Variants in GUF1 observed in about 807,000 individuals in gnomAD.
GUF1 encodes the protein GTP binding elongation factor GUF1, also known as translation factor GUF1, mitochondrial.
Under a neutral mutation model 82.4 loss-of-function variants are expected in GUF1, and 78 were observed. That is an observed-to-expected ratio of 0.95 (90% CI 0.79 to 1.14). The LOEUF (loss-of-function observed/expected upper bound fraction) is 1.14, where lower values mean the gene tolerates loss of function less well. Ranked by LOEUF, GUF1 falls within the 50% of genes most tolerant of loss-of-function variation. The pLI is 0.00. For missense variants in GUF1, 814 were observed against 798.2 expected, an observed-to-expected ratio of 1.02 and a Z score of -0.24; for synonymous variants, 279 against 282.3, an observed-to-expected ratio of 0.99 and a Z score of 0.12.
chr4:44,686,405 C>A, intron 7 of GUF1, 105 bp from the exon 8 acceptor site: 1 of 637,448 alleles, frequency 1.6e-6, no homozygotes, highest in Non-Finnish European at 2.5e-6. Context: ...TGTTGTGTAT[C>A]AAACTTTCTC....
At chr4:44,690,689 A>T in intron 11 of GUF1, 28 bp from the exon 12 acceptor site, 1 of 1,329,956 alleles carries the variant, frequency 7.5e-7, no homozygotes. Flanking sequence ...TTAAGATTTT[A>T]AGTATTGCTG....
chr4:44,694,479 A>G lies in GUF1; in HGVS notation c.1681A>G (p.Asn561Asp). Residue 561 changes from asparagine (N) to aspartate (D), a missense_variant, in exon 14 of 17, where the codon AAT becomes GAT. Coordinates refer to ENST00000281543, the MANE Select transcript of GUF1 (RefSeq NM_021927.3). ...LVKMDILLNGNTVEELVTVVH... is the reference protein window; with the variant it reads ...LVKMDILLNGDTVEELVTVVH... The stretch of plus-strand genomic sequence containing the variant: ...AAAAATGGATATTCTACTGAATGGA[A>G]ATACTGTAGAGGAGCTAGTAACTGT... 1 of 1,605,778 alleles carries G rather than the reference A, an allele frequency of 6.2e-7. No homozygotes were observed. Among genetic ancestry groups the G allele is most frequent in the Non-Finnish European group, 8.5e-7 (1 of 1,172,790 alleles).
chr4:44,679,106 G>C (rs991744043), intron 1 of GUF1, among the ~76,000 whole-genome samples: 1 of 152,212 alleles, frequency 6.6e-6, no homozygotes. Context: ...TAAGCAAGTT[G>C]CTAGTAAATA....
rs1716023704 is a variant in GUF1, at chr4:44,698,798, T to G, written c.*117T>G. On this transcript the variant is annotated 3_prime_UTR_variant, in exon 17 of 17. Transcript: ENST00000281543. ...TCAGGTTCAAATAACCTACTAGTCTTTCGTTGAAAGGGAGTAGTTAGTGGG... is the reference window on the plus strand; with the variant it reads ...TCAGGTTCAAATAACCTACTAGTCTGTCGTTGAAAGGGAGTAGTTAGTGGG... 1 of 898,546 alleles carries G rather than the reference T, an allele frequency of 1.1e-6. No homozygotes were observed. Among genetic ancestry groups the G allele is most frequent in the Middle Eastern group, 3.6e-4 (1 of 2,762 alleles). The allele number at this position is 898,546 out of a possible 1,614,324, so 55.7% of individuals were successfully genotyped here.
In GUF1 at chr4:44,694,331, A is replaced by G. The variant is rs952721981; in HGVS notation, c.1614-81A>G. On this transcript the variant is annotated intron_variant, in intron 13 of 16. Transcript: ENST00000281543. ...GGGAGTGTAATGCGGTAGAAAGTAG[A>G]CATTTAGTAAAGAGTAAAGAGTAAT... The G allele has an allele frequency of 2.1e-5, 17 of 816,156 alleles. No individual in the cohort carries two copies. The Admixed American group carries it at 3.3e-4, about 16-fold the overall frequency. The allele number at this position is 816,156 out of a possible 1,614,324, so 50.6% of individuals were successfully genotyped here.
rs778459305 is a variant in GUF1, at chr4:44,678,663, C to G, written c.41C>G (p.Ala14Gly). 2 of 1,489,790 alleles carry G rather than the reference C, an allele frequency of 1.3e-6. No individual in the cohort carries two copies. The highest frequency in any genetic ancestry group is 3.0e-5 in the Admixed American group (1 of 33,024). The allele number at this position is 1,489,790 out of a possible 1,614,324, so 92.3% of individuals were successfully genotyped here. Residue 14 changes from alanine to glycine, a missense_variant, in exon 1 of 17, where the codon GCT becomes GGT. Physicochemically the swap from Ala to Gly is moderately conservative, Grantham distance 60. Transcript: ENST00000281543. ...LVGRGWGCAR[A>G]LAPRATGAAL... ...GGTCGGGGCTGGGGGTGCGCACGCG[C>G]TCTCGCGCCACGAGCCACTGGGGCC...
At chr4:44,689,470 T>A in intron 10 of GUF1, 61 bp downstream of exon 10, 3 of 1,463,394 alleles carry the variant, frequency 2.1e-6, no homozygotes, top group South Asian at 1.5e-5. Context: ...ATTTTAAAAA[T>A]ATTTTTATAG....
At chr4:44,697,342 G>C in intron 15 of GUF1, 66 bp from the exon 16 acceptor site, 1 of 912,790 alleles carries the variant, frequency 1.1e-6, no homozygotes, top group Non-Finnish European at 1.7e-6. Context: ...GATTGTTTTT[G>C]GTAAGGAAGT....
At chr4:44,697,203 A>C (rs574406974) in intron 15 of GUF1, among the ~76,000 whole-genome samples, 2 of 152,294 alleles carry the variant, frequency 1.3e-5, no homozygotes, top group African/African-American at 4.8e-5. Context: ...AAACATGTTG[A>C]ATTTATTTGT....
At chr4:44,679,456 A>G (rs1169089103) in intron 1 of GUF1, among the ~76,000 whole-genome samples, 2 of 152,226 alleles carry the variant, frequency 1.3e-5, no homozygotes, top group African/African-American at 2.4e-5. Context: ...AAGGCAAGCT[A>G]TAAGTAGGCA....
At chr4:44,689,501 A>G (rs1715286628) in intron 10 of GUF1, 92 bp downstream of exon 10, 3 of 1,342,614 alleles carry the variant, frequency 2.2e-6, no homozygotes, top group African/African-American at 3.0e-5. Flanking sequence ...TTTTTAAAAA[A>G]TATCTTTATA....
At chr4:44,688,874 G>T (rs1426049742) in intron 9 of GUF1, among the ~76,000 whole-genome samples, 1 of 151,910 alleles carries the variant, frequency 6.6e-6, no homozygotes, top group African/African-American at 2.4e-5. Context: ...CTGCCTTAGA[G>T]AATTGAGAGT....
At chr4:44,679,182 C>T (rs1001114818) in intron 1 of GUF1, among the ~76,000 whole-genome samples, 5 of 152,174 alleles carry the variant, frequency 3.3e-5, no homozygotes, top group Admixed American at 3.3e-4. Context: ...ACTACATTGT[C>T]ACTCTCCTAC....
Position 44,679,571 on chromosome 4 carries a change from T to C in GUF1, c.165+784T>C, listed in dbSNP as rs536827109. Reference sequence around the variant, plus strand: ...AGTATAAAGATGGTGCAATTCTCTATACCTTTTGAACTGAAGGGAAAGAAA... The same window carrying C: ...AGTATAAAGATGGTGCAATTCTCTACACCTTTTGAACTGAAGGGAAAGAAA... On this transcript the variant is annotated intron_variant, in intron 1 of 16. Coordinates refer to ENST00000281543, the MANE Select transcript of GUF1 (RefSeq NM_021927.3). Among the ~76,000 whole-genome samples, 8 of 152,348 alleles carry C rather than the reference T, an allele frequency of 5.3e-5. No homozygotes were observed. In the South Asian group the frequency reaches 1.7e-3, roughly 32 times the overall value.
intron 1 of GUF1, among the ~76,000 whole-genome samples, chr4:44,679,778 CA>C (rs11285816): frequency 0.53 from 79,877 of 151,830 alleles, 22,430 homozygotes; most frequent in Non-Finnish European, 0.64. Flanking sequence ...AAATAGAGTA[CA>C]AAAAACTGGT....
In GUF1 at chr4:44,681,124, G is replaced by A; in HGVS notation, c.428G>A (p.Gly143Asp). The change falls in exon 4 of 17, where the codon GGC becomes GAC. Residue 143 changes from glycine (G) to aspartate (D), a missense_variant and splice_region_variant. Coordinates refer to ENST00000281543, the MANE Select transcript of GUF1 (RefSeq NM_021927.3). ...QYLLNLIDTP[G>D]HVDFSYEVSR... ...GGTATCAATATTTTTGTTTCTCAGG[G>A]CCATGTTGATTTTAGTTATGAAGTA... The A allele has an allele frequency of 6.2e-7, 1 of 1,612,126 alleles. No homozygotes were observed. Among genetic ancestry groups the A allele is most frequent in the South Asian group, 1.1e-5 (1 of 90,984 alleles).
intron 16 of GUF1, 42 bp downstream of exon 16, chr4:44,697,486 G>T: frequency 8.9e-7 from 1 of 1,123,176 alleles, no homozygotes; most frequent in Non-Finnish European, 1.3e-6. Flanking sequence ...TAACTTTTAT[G>T]GGCTTTAAAT....
In GUF1 at chr4:44,686,035, G is replaced by A. The variant is rs764952141; in HGVS notation, c.734+12G>A. 1.3e-6 allele frequency: 2 copies of A among 1,568,116 alleles called. No individual in the cohort carries two copies. The highest frequency in any genetic ancestry group is 1.8e-6 in the Non-Finnish European group (2 of 1,139,820). ...GAAAGAATCCCCCCGTGAGTATTTGGTGATTTTTGTACTAGTTGTCTCTAT... is the reference window on the plus strand; with the variant it reads ...GAAAGAATCCCCCCGTGAGTATTTGATGATTTTTGTACTAGTTGTCTCTAT... On this transcript the variant is annotated intron_variant, in intron 7 of 16. Coordinates refer to ENST00000281543, the MANE Select transcript of GUF1 (RefSeq NM_021927.3).
Position 44,688,069 on chromosome 4 carries a change from G to C in GUF1, c.1001G>C (p.Gly334Ala), listed in dbSNP as rs1479110194. The C allele has an allele frequency of 3.7e-6, 6 of 1,612,380 alleles. No individual in the cohort carries two copies. The highest frequency in any genetic ancestry group is 5.1e-6 in the Non-Finnish European group (6 of 1,178,778). Residue 334 changes from glycine (G) to alanine (A), a missense_variant, in exon 9 of 17, where the codon GGA becomes GCA. By Grantham distance (60) the Gly-to-Ala change is moderately conservative (BLOSUM62 0). Coordinates refer to ENST00000281543, the MANE Select transcript of GUF1 (RefSeq NM_021927.3). ...GMKDVTEAQI[G>A]DTLCLHKQPV... ...AAAGATGTCACTGAAGCGCAAATAGGAGATACATTATGTTTACATAAGCAA... is the reference window on the plus strand; with the variant it reads ...AAAGATGTCACTGAAGCGCAAATAGCAGATACATTATGTTTACATAAGCAA...
Sources: allele counts gnomAD v4.1 joint callset (sites outside exome capture counted in the v4.1 genomes callset), GRCh38; gene constraint gnomAD v4.1.1; transcripts MANE v1.5; gene names NCBI Gene and HGNC (gene_info 2026-07-23, HGNC 2026-07-21).